DPYSL4: variants seen among roughly 807,000 people sequenced by gnomAD.
The protein encoded by DPYSL4 is dihydropyrimidinase like 4.
A neutral mutation model predicts 63.4 loss-of-function variants in DPYSL4; 43 were observed. The observed-to-expected ratio is 0.68, with a 90% CI of 0.53 to 0.88. The LOEUF (loss-of-function observed/expected upper bound fraction) is 0.88, where lower values mean the gene tolerates loss of function less well. Ranked by LOEUF, DPYSL4 falls within the 40% of genes least tolerant of loss-of-function variation. The pLI, the probability that DPYSL4 is intolerant of heterozygous loss-of-function variation, is 0.00. For missense variants in DPYSL4, 733 were observed against 819.5 expected (o/e 0.89, Z 1.29); for synonymous variants, 353 against 331.7 (o/e 1.06, Z -0.70).
At chr10:132,195,706 T>G (rs2061934305) in intron 4 of DPYSL4, among the ~76,000 whole-genome samples, 1 of 152,148 alleles carries the variant, frequency 6.6e-6, no homozygotes, top group African/African-American at 2.4e-5. Context: ...ATCACATAGG[T>G]GCCCCTTGAT....
chr10:132,194,425 G>A (rs1366652497), intron 3 of DPYSL4, among the ~76,000 whole-genome samples: 1 of 152,218 alleles, frequency 6.6e-6, no homozygotes, highest in Non-Finnish European at 1.5e-5. Flanking sequence ...CACTGTTCTA[G>A]GAAGGCACCC....
At chr10:132,191,235 A>G (rs1421586750) in intron 2 of DPYSL4, among the ~76,000 whole-genome samples, 1 of 88,506 alleles carries the variant, frequency 1.1e-5, no homozygotes, top group Non-Finnish European at 2.4e-5. Context: ...GTATCCAGGC[A>G]GGTGCAAATA....
At chr10:132,192,426 G>T (rs1473804998) in intron 2 of DPYSL4, 13 of 1,179,770 alleles carry the variant, frequency 1.1e-5, no homozygotes, top group Non-Finnish European at 1.4e-5. Flanking sequence ...AAAACCACAG[G>T]GCGTGGCGTC....
At chr10:132,204,573 T>C (rs543642829) in intron 13 of DPYSL4, among the ~76,000 whole-genome samples, 6 of 152,086 alleles carry the variant, frequency 3.9e-5, no homozygotes, top group Admixed American at 3.3e-4. Context: ...CTGGCCCGGG[T>C]TCCTCTCGGG....
chr10:132,195,044 G>A (rs368757370), intron 4 of DPYSL4, 35 bp downstream of exon 4: 3 of 1,582,390 alleles, frequency 1.9e-6, no homozygotes, highest in South Asian at 1.1e-5. Flanking sequence ...GGGCGGGCAT[G>A]GAGCCTGGTG....
At chr10:132,189,938 C>A (rs571429852) in intron 1 of DPYSL4, among the ~76,000 whole-genome samples, 165 of 152,340 alleles carry the variant, frequency 1.1e-3, no homozygotes, top group African/African-American at 3.9e-3. Context: ...GGCACCACCA[C>A]CCCACCAGAA....
At chr10:132,199,582 T>A (rs2061985931) in intron 8 of DPYSL4, among the ~76,000 whole-genome samples, 1 of 151,236 alleles carries the variant, frequency 6.6e-6, no homozygotes, top group South Asian at 2.1e-4. Context: ...CTAGGCGGCC[T>A]CTGGATCTGG....
At chr10:132,193,855 C>T (rs1041923527) in intron 3 of DPYSL4, among the ~76,000 whole-genome samples, 1 of 152,240 alleles carries the variant, frequency 6.6e-6, no homozygotes, top group South Asian at 2.1e-4. Context: ...GGACATTTAG[C>T]CATTACCAAA....
intron 1 of DPYSL4, among the ~76,000 whole-genome samples, chr10:132,188,674 A>G (rs182425243): frequency 1.3e-5 from 2 of 152,344 alleles, no homozygotes; most frequent in African/African-American, 4.8e-5. Context: ...TTTGCGGACC[A>G]CGCTGTTCCT....
intron 11 of DPYSL4, 142 bp downstream of exon 11, chr10:132,202,258 TC>T: frequency 8.9e-7 from 1 of 1,122,366 alleles, no homozygotes; most frequent in Non-Finnish European, 1.2e-6. Context: ...ACACAGCCTG[TC>T]CCAGGCCAGA....
chr10:132,187,099 C>T lies in DPYSL4; in HGVS notation c.36C>T (p.Ile12=). The change falls in exon 1 of 14, where the codon ATC becomes ATT. Residue 12 remains isoleucine, a synonymous_variant. Coordinates refer to ENST00000338492, the MANE Select transcript of DPYSL4 (RefSeq NM_006426.3). ...SFQGKKSIPR[I]TSDRLLIRGG... is the part of the protein sequence containing the mutation. ...AGGGCAAGAAAAGCATCCCCCGGAT[C>T]ACGGTGAGCCCGGTCCCGCTTCGCC... 1 of 1,520,426 alleles carries T rather than the reference C, an allele frequency of 6.6e-7. No homozygotes were observed. The highest frequency in any genetic ancestry group is 8.9e-7 in the Non-Finnish European group (1 of 1,127,124). The allele number at this position is 1,520,426 out of a possible 1,614,324, so 94.2% of individuals were successfully genotyped here. A position where few individuals can be genotyped will look rare whatever the true frequency, so the allele number is the denominator to read the frequency against.
chr10:132,194,334 C>A (rs2061913870), intron 3 of DPYSL4, among the ~76,000 whole-genome samples: 1 of 152,360 alleles, frequency 6.6e-6, no homozygotes, highest in East Asian at 1.9e-4. Flanking sequence ...GTTGGTGGGG[C>A]AGCAGCATGA....
At position 132,202,299 on chromosome 10, in the gene DPYSL4, C is replaced by T. The variant is rs376339921; in HGVS notation, c.1281+183C>T. ...GAAATGGGCCCTGTCCACGTCACCTCGCTGCGTGGCCGCTGCATCTGTGGT... is the reference window on the plus strand; with the variant it reads ...GAAATGGGCCCTGTCCACGTCACCTTGCTGCGTGGCCGCTGCATCTGTGGT... On this transcript the variant is annotated intron_variant, in intron 11 of 13. Transcript: ENST00000338492. Among the ~76,000 whole-genome samples the T allele has an allele frequency of 1.4e-3, 218 of 152,372 alleles. 7 individuals are homozygous for T. The South Asian group carries it at 0.043, about 30-fold the overall frequency.
intron 10 of DPYSL4, 62 bp from the exon 11 acceptor site, chr10:132,201,884 C>A: frequency 1.2e-5 from 19 of 1,541,732 alleles, no homozygotes; most frequent in Non-Finnish European, 1.7e-5. Flanking sequence ...CAGTGTCTGT[C>A]CTCGCGCAAG....
intron 1 of DPYSL4, 106 bp from the exon 2 acceptor site, chr10:132,190,641 A>G (rs553748098): frequency 9.3e-7 from 1 of 1,073,886 alleles, no homozygotes; most frequent in Non-Finnish European, 1.3e-6. Flanking sequence ...ACGTCTAGAA[A>G]TTTTGCCTGA....
chr10:132,192,324 T>C (rs1466129263), intron 2 of DPYSL4: 2 of 1,010,046 alleles, frequency 2.0e-6, no homozygotes, highest in Non-Finnish European at 2.4e-6. Context: ...GCTTCCTAAA[T>C]ACTGGTGCCC....
chr10:132,188,171 C>T (rs2061829971), intron 1 of DPYSL4, among the ~76,000 whole-genome samples: 1 of 152,104 alleles, frequency 6.6e-6, no homozygotes, highest in Non-Finnish European at 1.5e-5. Flanking sequence ...CAGGAGGACC[C>T]CTTCCCAGGG....
Position 132,202,012 on chromosome 10 carries a change from A to G in DPYSL4, c.1177A>G (p.Asn393Asp), listed in dbSNP as rs2062024558. Residue 393 changes from asparagine to aspartate, a missense_variant, in exon 11 of 14, where the codon AAT becomes GAT. Transcript: ENST00000338492. ...VTSTNAAKIFNFYPRKGRVAV... is the reference protein window; with the variant it reads ...VTSTNAAKIFDFYPRKGRVAV... ...CAGTACAAATGCTGCCAAAATCTTC[A>G]ATTTTTACCCAAGGAAGGGGCGAGT... is the stretch of plus-strand genomic sequence containing the variant. The G allele has an allele frequency of 6.2e-7, 1 of 1,613,230 alleles. No homozygotes were observed. The highest frequency in any genetic ancestry group is 8.5e-7 in the Non-Finnish European group (1 of 1,179,936).
At position 132,204,004 on chromosome 10, in the gene DPYSL4, C is replaced by T. The variant is rs911538173; in HGVS notation, c.1627+77C>T. On this transcript the variant is annotated intron_variant, in intron 13 of 13. Coordinates refer to ENST00000338492, the MANE Select transcript of DPYSL4 (RefSeq NM_006426.3). ...CAGGGCCTCAGGTACCAGGGCCCAG[C>T]CTGTGCCCAGAGGGGCTGCACACGG... 5 of 1,515,958 alleles carry T rather than the reference C, an allele frequency of 3.3e-6. No homozygotes were observed. The African/African-American group carries it at 5.5e-5, about 17-fold the overall frequency. The allele number at this position is 1,515,958 out of a possible 1,614,324, so 93.9% of individuals were successfully genotyped here. A position where few individuals can be genotyped will look rare whatever the true frequency, so the allele number is the denominator to read the frequency against.
Sources: gnomAD v4.1 joint callset for allele counts (sites outside exome capture counted in the v4.1 genomes callset) on GRCh38, gnomAD v4.1.1 for gene constraint, MANE v1.5 for transcripts, NCBI Gene and HGNC (gene_info 2026-07-23, HGNC 2026-07-21) for gene names.